Variants in DLGAP1 observed in about 807,000 individuals in gnomAD.
DLGAP1 encodes the protein disks large-associated protein 1.
In DLGAP1, 11 loss-of-function variants were observed where a neutral mutation model predicts 90.8. That is an observed-to-expected ratio of 0.12 (90% CI 0.08 to 0.20). DLGAP1 has a LOEUF of 0.20. Among genes scored for constraint, DLGAP1 ranks in the 10% least tolerant of loss-of-function variants. The pLI, the probability that DLGAP1 is intolerant of heterozygous loss-of-function variation, is 1.00. For missense variants in DLGAP1, 1,050 were observed against 1,333.8 expected (o/e 0.79, Z 3.31); for synonymous variants, 558 against 540.7 (o/e 1.03, Z -0.44).
intron 2 of DLGAP1, among the ~76,000 whole-genome samples, chr18:4,045,329 G>A (rs1349759662): frequency 4.1e-5 from 6 of 144,994 alleles, no homozygotes; most frequent in Non-Finnish European, 7.5e-5. Context: ...GTATCTTTTA[G>A]TAATTCTTGA....
chr18:3,659,635 G>C lies in DLGAP1; in HGVS notation c.1591+69500C>G, dbSNP rs143520470. 2.7e-3 allele frequency among the ~76,000 whole-genome samples: 412 copies of C among 150,612 alleles called. 3 individuals are homozygous for C. Among genetic ancestry groups the C allele is most frequent in the African/African-American group, 9.5e-3 (388 of 40,890 alleles). ...GGCTGGAGTGCAGTGGTGCAATCTC[G>C]GCTCACTGCAACCTCCGCCTCCCAG... On this transcript the variant is annotated intron_variant, in intron 7 of 12. Transcript: ENST00000315677.
At chr18:4,102,228 A>C (rs1309886913) in intron 2 of DLGAP1, among the ~76,000 whole-genome samples, 7 of 152,196 alleles carry the variant, frequency 4.6e-5, no homozygotes, top group Admixed American at 6.5e-5. Context: ...GTGATTAAGT[A>C]TCTATTGTGT....
intron 9 of DLGAP1, among the ~76,000 whole-genome samples, chr18:3,535,798 G>A (rs540358325): frequency 6.6e-5 from 10 of 152,154 alleles, no homozygotes; most frequent in African/African-American, 9.6e-5. Context: ...TTGGGAGGCC[G>A]AGGCGGGCAG....
At chr18:3,599,444 G>T (rs1181301961) in intron 7 of DLGAP1, among the ~76,000 whole-genome samples, 4 of 152,204 alleles carry the variant, frequency 2.6e-5, no homozygotes, top group Non-Finnish European at 5.9e-5. Context: ...AGTTTGGCTA[G>T]TGGCTTTTAG....
intron 2 of DLGAP1, among the ~76,000 whole-genome samples, chr18:4,082,575 G>A (rs1221989711): frequency 6.8e-6 from 1 of 148,038 alleles, no homozygotes; most frequent in African/African-American, 2.5e-5. Context: ...CATGGTGGGG[G>A]TAATCATTCA....
chr18:4,032,854 A>G (rs1270426237), intron 2 of DLGAP1, among the ~76,000 whole-genome samples: 1 of 152,160 alleles, frequency 6.6e-6, no homozygotes, highest in Non-Finnish European at 1.5e-5. Flanking sequence ...CGTCTCTGTA[A>G]GCTTCTTGAT....
intron 6 of DLGAP1, among the ~76,000 whole-genome samples, chr18:3,738,544 A>G (rs2062757112): frequency 3.3e-5 from 5 of 151,526 alleles, no homozygotes. Context: ...CTATTTAATA[A>G]ATGGTGCTTG....
intron 5 of DLGAP1, among the ~76,000 whole-genome samples, chr18:3,773,706 G>A (rs1000911430): frequency 1.3e-5 from 2 of 152,124 alleles, no homozygotes; most frequent in Non-Finnish European, 2.9e-5. Flanking sequence ...GATAGTAAGT[G>A]CTATTTGTTT....
At chr18:4,099,483 T>C (rs1384773145) in intron 2 of DLGAP1, among the ~76,000 whole-genome samples, 1 of 152,210 alleles carries the variant, frequency 6.6e-6, no homozygotes, top group Non-Finnish European at 1.5e-5. Flanking sequence ...CACTGCACTG[T>C]AGTTTATTGA....
At chr18:3,897,181 G>A (rs2071646578) in intron 3 of DLGAP1, 1 of 152,164 alleles carries the variant, frequency 6.6e-6, no homozygotes, top group South Asian at 2.1e-4. Context: ...GTTATGATAG[G>A]TGAGGAAAGA....
chr18:4,175,502 T>C (rs1219831961), intron 1 of DLGAP1, among the ~76,000 whole-genome samples: 2 of 152,206 alleles, frequency 1.3e-5, no homozygotes, highest in Non-Finnish European at 2.9e-5. Flanking sequence ...CATGCCTATG[T>C]CCTGAATGGT....
intron 2 of DLGAP1, among the ~76,000 whole-genome samples, chr18:4,134,854 T>C (rs2076375004): frequency 6.6e-6 from 1 of 152,054 alleles, no homozygotes. Flanking sequence ...ACCAACACGC[T>C]GTATTTGTCA....
At chr18:3,672,205 C>T (rs1598290494) in intron 7 of DLGAP1, among the ~76,000 whole-genome samples, 1 of 85,980 alleles carries the variant, frequency 1.2e-5, no homozygotes, top group African/African-American at 9.4e-5. Context: ...TGATTAGACA[C>T]ACACACACAC....
intron 2 of DLGAP1, among the ~76,000 whole-genome samples, chr18:4,032,406 C>A (rs1402272322): frequency 1.3e-5 from 2 of 152,064 alleles, no homozygotes; most frequent in African/African-American, 4.8e-5. Flanking sequence ...ACACAGATAC[C>A]TTGGTTTTTC....
At chr18:4,224,985 A>G (rs2078155612) in intron 1 of DLGAP1, among the ~76,000 whole-genome samples, 1 of 151,932 alleles carries the variant, frequency 6.6e-6, no homozygotes, top group African/African-American at 2.4e-5. Flanking sequence ...CTTCAGGTAC[A>G]CACACTCACA....
At chr18:3,893,018 T>C (rs1322973863) in intron 3 of DLGAP1, among the ~76,000 whole-genome samples, 1 of 151,682 alleles carries the variant, frequency 6.6e-6, no homozygotes, top group Non-Finnish European at 1.5e-5. Flanking sequence ...CCAAAAAGTG[T>C]ACATTGTACC....
intron 1 of DLGAP1, among the ~76,000 whole-genome samples, chr18:4,338,553 A>G (rs894286314): frequency 6.6e-6 from 1 of 152,220 alleles, no homozygotes; most frequent in Non-Finnish European, 1.5e-5. Flanking sequence ...TTTATCAGGA[A>G]CTGTGGCTCA....
chr18:4,059,048 G>A (rs1449667442), intron 2 of DLGAP1, among the ~76,000 whole-genome samples: 4 of 152,190 alleles, frequency 2.6e-5, no homozygotes, highest in Admixed American at 2.6e-4. Flanking sequence ...GATGCAGGCA[G>A]GGTTAGGGGT....
intron 2 of DLGAP1, among the ~76,000 whole-genome samples, chr18:4,140,051 T>G (rs1375151845): frequency 6.6e-6 from 1 of 151,916 alleles, no homozygotes; most frequent in Non-Finnish European, 1.5e-5. Context: ...TTGTCTTTTA[T>G]CCATTCAGCC....
Sources: allele counts gnomAD v4.1 joint callset (sites outside exome capture counted in the v4.1 genomes callset), GRCh38; gene constraint gnomAD v4.1.1; transcripts MANE v1.5; gene names NCBI Gene and HGNC (gene_info 2026-07-23, HGNC 2026-07-21).